FAM120C: variants seen among roughly 807,000 people sequenced by gnomAD.
FAM120C encodes the protein constitutive coactivator of PPAR-gamma-like protein 2.
FAM120C carries 14 observed loss-of-function variants against 71.2 expected under a neutral mutation model. The ratio of observed to expected loss-of-function variants is 0.20; its 90% CI spans 0.13 to 0.31. The LOEUF (loss-of-function observed/expected upper bound fraction) is 0.31, where lower values mean the gene tolerates loss of function less well. Ranked by LOEUF, FAM120C falls within the 10% of genes least tolerant of loss-of-function variation. The pLI is 1.00. For missense variants in FAM120C, 500 were observed against 879.0 expected, an observed-to-expected ratio of 0.57 and a Z score of 5.45; for synonymous variants, 354 against 353.2, an observed-to-expected ratio of 1.00 and a Z score of -0.03.
intron 13 of FAM120C, among the ~76,000 whole-genome samples, chrX:54,083,545 G>C (rs782059263): frequency 5.3e-4 from 58 of 108,899 alleles, no homozygotes; most frequent in Non-Finnish European, 8.8e-4. Flanking sequence ...TGAGATGAGC[G>C]AATCACTTGA....
chrX:54,100,480 G>A (rs1458560761), intron 10 of FAM120C, among the ~76,000 whole-genome samples: 2 of 110,074 alleles, frequency 1.8e-5, no homozygotes, highest in African/African-American at 6.6e-5. Flanking sequence ...GTGACAGAGC[G>A]AGACTCCATC....
chrX:54,132,198 C>T (rs1175220513), intron 9 of FAM120C, among the ~76,000 whole-genome samples: 1 of 110,710 alleles, frequency 9.0e-6, no homozygotes, highest in Admixed American at 9.7e-5. Flanking sequence ...TGGGACTACA[C>T]GTGTACACAA....
At chrX:54,141,857 T>A (rs1358335741) in intron 4 of FAM120C, among the ~76,000 whole-genome samples, 2 of 111,500 alleles carry the variant, frequency 1.8e-5, no homozygotes, top group Non-Finnish European at 3.8e-5. Context: ...ATATCCTTTA[T>A]AATAGGTGTC....
chrX:54,068,814 T>TAGAAC lies in FAM120C; in HGVS notation c.*4218_*4219insGTTCT, dbSNP rs2066697991. The TAGAAC allele has an allele frequency of 1.9e-5, 2 of 107,171 alleles. No homozygotes were observed. Among genetic ancestry groups the TAGAAC allele is most frequent in the African/African-American group, 7.0e-5 (2 of 28,452 alleles). The allele number at this position is 107,171 out of a possible 1,213,427, so 8.8% of individuals were successfully genotyped here. ...CAGAATAGAATAGAATAGAATAGAATAGAATAGAATAGAATAGAATAGAAT... is the reference window on the plus strand; with the variant it reads ...CAGAATAGAATAGAATAGAATAGAATAGAACAGAATAGAATAGAATAGAATAGAAT... On this transcript the variant is annotated 3_prime_UTR_variant, in exon 16 of 16. Transcript: ENST00000375180.
intron 1 of FAM120C, among the ~76,000 whole-genome samples, chrX:54,178,568 A>T (rs1370585586): frequency 8.9e-6 from 1 of 112,019 alleles, no homozygotes; most frequent in Non-Finnish European, 1.9e-5. Context: ...AAATGGGGAG[A>T]ATACCATGCA....
chrX:54,073,928 C>G (rs921635924), intron 15 of FAM120C, among the ~76,000 whole-genome samples: 1 of 110,698 alleles, frequency 9.0e-6, no homozygotes, highest in Admixed American at 9.8e-5. Context: ...TGGGCTCAAG[C>G]CATCTTCCCA....
chrX:54,144,157 C>T (rs2067142235), intron 4 of FAM120C, among the ~76,000 whole-genome samples: 1 of 111,565 alleles, frequency 9.0e-6, no homozygotes, highest in Middle Eastern at 4.6e-3. Flanking sequence ...ATTCATGGGA[C>T]GTTATCTCAA....
intron 1 of FAM120C, among the ~76,000 whole-genome samples, chrX:54,174,784 A>C (rs1557136437): frequency 8.9e-6 from 1 of 112,131 alleles, no homozygotes; most frequent in Non-Finnish European, 1.9e-5. Flanking sequence ...GTGTGGGCCA[A>C]TGCAAAAATA....
intron 10 of FAM120C, among the ~76,000 whole-genome samples, chrX:54,092,475 G>A (rs1557122761): frequency 9.0e-6 from 1 of 110,660 alleles, no homozygotes. Flanking sequence ...AACCTGGGAG[G>A]CGAGGGTTAC....
intron 13 of FAM120C, among the ~76,000 whole-genome samples, chrX:54,085,087 G>A (rs2066787159): frequency 8.9e-6 from 1 of 111,832 alleles, no homozygotes; most frequent in Non-Finnish European, 1.9e-5. Context: ...CTATATGGAA[G>A]GAATGAACAA....
At chrX:54,104,618 G>T (rs1456942361) in intron 10 of FAM120C, among the ~76,000 whole-genome samples, 1 of 110,441 alleles carries the variant, frequency 9.1e-6, no homozygotes, top group Non-Finnish European at 1.9e-5. Context: ...GACCAGCCTG[G>T]TCAACATGGC....
chrX:54,161,710 C>T (rs782441630), intron 1 of FAM120C, among the ~76,000 whole-genome samples: 60 of 112,589 alleles, frequency 5.3e-4, no homozygotes, highest in Non-Finnish European at 9.6e-4. Context: ...CGGTTCAGTG[C>T]AACCTCCATG....
chrX:54,132,929 G>A, intron 8 of FAM120C, 66 bp from the exon 9 acceptor site: 1 of 930,898 alleles, frequency 1.1e-6, no homozygotes, highest in Non-Finnish European at 1.4e-6. Context: ...ACTGAGCTGA[G>A]AAGAGCCAAT....
At chrX:54,114,921 A>G (rs1557126412) in intron 10 of FAM120C, among the ~76,000 whole-genome samples, 1 of 106,699 alleles carries the variant, frequency 9.4e-6, no homozygotes. Context: ...CTAATTTTGT[A>G]ATTTTTTTTC....
intron 10 of FAM120C, among the ~76,000 whole-genome samples, chrX:54,112,138 T>A (rs2066940303): frequency 8.9e-6 from 1 of 112,221 alleles, no homozygotes; most frequent in African/African-American, 3.2e-5. Context: ...CAAGATGGGC[T>A]GGGTGTGGTG....
chrX:54,109,752 G>C (rs1309340544), intron 10 of FAM120C, among the ~76,000 whole-genome samples: 1 of 108,070 alleles, frequency 9.3e-6, no homozygotes, highest in Non-Finnish European at 1.9e-5. Flanking sequence ...AGGAGGTGGA[G>C]TTTGCAGTGA....
At chrX:54,101,954 T>C (rs1244372598) in intron 10 of FAM120C, among the ~76,000 whole-genome samples, 3 of 111,716 alleles carry the variant, frequency 2.7e-5, no homozygotes, top group African/African-American at 9.7e-5. Flanking sequence ...CCTCTGCTTA[T>C]TACCCAGTTC....
chrX:54,086,145 G>A (rs1364642115), intron 12 of FAM120C, among the ~76,000 whole-genome samples: 4 of 111,310 alleles, frequency 3.6e-5, no homozygotes, highest in Admixed American at 2.9e-4. Flanking sequence ...TCTGACTCAG[G>A]GCTTGTGATG....
Position 54,076,385 on chromosome X carries a change from G to A in FAM120C, c.3037-3098C>T, listed in dbSNP as rs782074918. On this transcript the variant is annotated intron_variant, in intron 15 of 15. Coordinates refer to ENST00000375180, the MANE Select transcript of FAM120C (RefSeq NM_017848.6). The stretch of plus-strand genomic sequence containing the variant: ...TTTAAGAACATATAAAACTCTTGTA[G>A]CCTAGGAATAATCTCAGGAAGACAG... Among the ~76,000 whole-genome samples, 4 of 109,486 alleles carry A rather than the reference G, an allele frequency of 3.7e-5. No homozygotes were observed. The East Asian group carries it at 1.1e-3, about 31-fold the overall frequency.
Sources: gnomAD v4.1 joint callset for allele counts (sites outside exome capture counted in the v4.1 genomes callset) on GRCh38, gnomAD v4.1.1 for gene constraint, MANE v1.5 for transcripts, NCBI Gene and HGNC (gene_info 2026-07-23, HGNC 2026-07-21) for gene names.